TBC1D32: variants seen among roughly 807,000 people sequenced by gnomAD.
TBC1D32 encodes TBC1 domain family member 32.
A neutral mutation model predicts 170.3 loss-of-function variants in TBC1D32; 151 were observed. That is an observed-to-expected ratio of 0.89 (90% CI 0.78 to 1.01). TBC1D32 has a LOEUF of 1.01. Ranked by LOEUF, TBC1D32 falls within the 50% of genes least tolerant of loss-of-function variation. The probability of loss-of-function intolerance (pLI) is 0.00; values close to 1 mark genes in which losing one functional copy is unlikely to be tolerated. For missense variants in TBC1D32, 1,464 were observed against 1,457.1 expected (o/e 1.00, Z -0.08); for synonymous variants, 498 against 488.0 (o/e 1.02, Z -0.27).
rs557233079 is a variant in TBC1D32, at chr6:121,085,086, C to G, written c.3655-4196G>C. On this transcript the variant is annotated intron_variant, in intron 31 of 31. Coordinates refer to ENST00000398212, the MANE Select transcript of TBC1D32 (RefSeq NM_152730.6). ...ACATATACTTAACAAAAGTTAAAGA[C>G]TTGCATTAATGTCAAATCTCATATA... 5.6e-4 allele frequency among the ~76,000 whole-genome samples: 85 copies of G among 151,320 alleles called. 1 individual carries two copies. The highest frequency in any genetic ancestry group is 3.4e-3 in the Middle Eastern group (1 of 292).
At chr6:121,168,970 T>C (rs188235565) in intron 22 of TBC1D32, among the ~76,000 whole-genome samples, 1 of 152,092 alleles carries the variant, frequency 6.6e-6, no homozygotes, top group Non-Finnish European at 1.5e-5. Context: ...GAAGAATCAG[T>C]ATTGAGAAAA....
intron 21 of TBC1D32, among the ~76,000 whole-genome samples, chr6:121,212,175 A>C (rs1793153272): frequency 6.6e-6 from 1 of 152,244 alleles, no homozygotes; most frequent in East Asian, 1.9e-4. Flanking sequence ...TGAACCAGGA[A>C]CAAAGTGATT....
At chr6:121,226,412 T>A (rs1191836705) in intron 20 of TBC1D32, among the ~76,000 whole-genome samples, 7 of 152,074 alleles carry the variant, frequency 4.6e-5, no homozygotes, top group African/African-American at 1.7e-4. Context: ...TGTGCTACAT[T>A]AATGAGCAGT....
intron 1 of TBC1D32, among the ~76,000 whole-genome samples, chr6:121,324,753 C>T (rs1326142027): frequency 1.3e-5 from 2 of 152,074 alleles, no homozygotes; most frequent in Non-Finnish European, 2.9e-5. Flanking sequence ...TTGCACATTC[C>T]ATACAAAACA....
Position 121,215,015 on chromosome 6 carries a change from C to T in TBC1D32, c.2481+8221G>A, listed in dbSNP as rs556197993. Among the ~76,000 whole-genome samples the T allele has an allele frequency of 5.9e-5, 9 of 152,246 alleles. No homozygotes were observed. The East Asian group carries it at 9.7e-4, about 16-fold the overall frequency. On this transcript the variant is annotated intron_variant, in intron 21 of 31. Transcript: ENST00000398212. ...AGACCCACAATGTATATCTCCTCTC[C>T]ACAGGCAGGTCATCCTGATGTCTGC... is the stretch of plus-strand genomic sequence containing the variant.
intron 24 of TBC1D32, among the ~76,000 whole-genome samples, chr6:121,158,377 G>C (rs889189432): frequency 6.6e-6 from 1 of 152,032 alleles, no homozygotes; most frequent in Admixed American, 6.6e-5. Flanking sequence ...TTCTTGAAAT[G>C]GTTATTTTTT....
chr6:121,212,622 T>C (rs973733935), intron 21 of TBC1D32, among the ~76,000 whole-genome samples: 1 of 151,972 alleles, frequency 6.6e-6, no homozygotes, highest in African/African-American at 2.4e-5. Flanking sequence ...ACCTGGCTAG[T>C]TTTGTATTTT....
chr6:121,229,789 C>T (rs1051411574), intron 20 of TBC1D32, among the ~76,000 whole-genome samples: 6 of 152,030 alleles, frequency 3.9e-5, no homozygotes, highest in African/African-American at 1.4e-4. Context: ...AGCTCTTTGT[C>T]CCTACCCAAA....
At chr6:121,191,495 G>A (rs74600405) in intron 22 of TBC1D32, among the ~76,000 whole-genome samples, 2,657 of 152,180 alleles carry the variant, frequency 0.017, 27 homozygotes, top group South Asian at 0.042. Flanking sequence ...ATAGGGAGCA[G>A]GGTCAGCTTG....
intron 10 of TBC1D32, 51 bp downstream of exon 10, chr6:121,299,395 T>G (rs761965701): frequency 6.9e-7 from 1 of 1,440,424 alleles, no homozygotes; most frequent in East Asian, 2.5e-5. Context: ...TTACATCATA[T>G]ATATTCTGGT....
At chr6:121,317,705 G>A in intron 2 of TBC1D32, 33 bp from the exon 3 acceptor site, 2 of 1,470,472 alleles carry the variant, frequency 1.4e-6, no homozygotes, top group Non-Finnish European at 1.8e-6. Context: ...ATAAGAGAAA[G>A]ACGATCAGAA....
At chr6:121,320,133 T>C (rs1380137135) in intron 2 of TBC1D32, among the ~76,000 whole-genome samples, 1 of 151,352 alleles carries the variant, frequency 6.6e-6, no homozygotes, top group Non-Finnish European at 1.5e-5. Flanking sequence ...AAAAATACTT[T>C]ATAACAATTG....
intron 20 of TBC1D32, among the ~76,000 whole-genome samples, chr6:121,227,349 T>C (rs1462392398): frequency 6.6e-6 from 1 of 152,152 alleles, no homozygotes; most frequent in African/African-American, 2.4e-5. Flanking sequence ...CCAATCTGTA[T>C]GCCTTCTATT....
Position 121,091,032 on chromosome 6 carries a change from G to A in TBC1D32, c.3475C>T (p.Gln1159Ter). The A allele has an allele frequency of 1.3e-6, 2 of 1,576,438 alleles. No homozygotes were observed. The highest frequency in any genetic ancestry group is 1.7e-6 in the Non-Finnish European group (2 of 1,171,790). The change falls in exon 31 of 32, where the codon CAA (glutamine) becomes TAA (stop). Residue 1159 changes from glutamine to a stop codon, truncating the protein, a stop_gained. Coordinates refer to ENST00000398212, the MANE Select transcript of TBC1D32 (RefSeq NM_152730.6). LOFTEE classifies it high-confidence loss of function. ...TTCCAAAAACACTGGGTTATCCATT[G>A]CAGGCAAATCTTTAAAAAAAAAAAG... ...SGFAPSQICL[Q>*]WITQCFWNYL...
chr6:121,194,727 T>C (rs1025246538), intron 22 of TBC1D32, among the ~76,000 whole-genome samples: 4 of 152,238 alleles, frequency 2.6e-5, no homozygotes, highest in Non-Finnish European at 4.4e-5. Context: ...ATACCTTTAC[T>C]GTCCCACCTC....
At chr6:121,224,389 C>T (rs1583288810) in intron 20 of TBC1D32, 1 of 152,182 alleles carries the variant, frequency 6.6e-6, no homozygotes, top group South Asian at 2.1e-4. Flanking sequence ...TACTGCTTTA[C>T]ATTTTCTAAA....
intron 20 of TBC1D32, among the ~76,000 whole-genome samples, chr6:121,235,811 C>G (rs1384560733): frequency 6.6e-6 from 1 of 152,200 alleles, no homozygotes; most frequent in Non-Finnish European, 1.5e-5. Flanking sequence ...CTTGAAGCAA[C>G]AGTTCACGAT....
intron 17 of TBC1D32, among the ~76,000 whole-genome samples, chr6:121,248,356 CA>C (rs1233561962): frequency 9.2e-5 from 14 of 151,998 alleles, no homozygotes; most frequent in African/African-American, 3.4e-4. Flanking sequence ...ATGCCTACAT[CA>C]AAAAGTCTGA....
chr6:121,186,710 G>A (rs1789251062), intron 22 of TBC1D32, among the ~76,000 whole-genome samples: 1 of 151,866 alleles, frequency 6.6e-6, no homozygotes, highest in Non-Finnish European at 1.5e-5. Flanking sequence ...TTAGTCTGTA[G>A]GTTAAAGGAT....
Sources: gnomAD v4.1 joint callset for allele counts (sites outside exome capture counted in the v4.1 genomes callset) on GRCh38, gnomAD v4.1.1 for gene constraint, MANE v1.5 for transcripts, NCBI Gene and HGNC (gene_info 2026-07-23, HGNC 2026-07-21) for gene names.